The following HJURP variants were observed in gnomAD, a reference collection of about 807,000 sequenced individuals.
HJURP encodes 14-3-3-associated AKT substrate.
Under a neutral mutation model 72.0 loss-of-function variants are expected in HJURP, and 49 were observed. That is an observed-to-expected ratio of 0.68 (90% CI 0.54 to 0.86). The LOEUF is 0.86. Among genes scored for constraint, HJURP ranks in the 40% least tolerant of loss-of-function variants. The pLI is 0.00. For synonymous variants in HJURP, 357 were observed against 347.1 expected, an observed-to-expected ratio of 1.03 and a Z score of -0.32; for missense variants, 908 against 936.3, an observed-to-expected ratio of 0.97 and a Z score of 0.39.
rs371801190 is a variant in HJURP, at chr2:233,847,495, T to A, written c.338-34A>T. 5.7e-6 allele frequency: 9 copies of A among 1,584,816 alleles called. No individual in the cohort carries two copies. In the African/African-American group the frequency reaches 1.2e-4, roughly 21 times the overall value. ...CAAACAAGTAAATCTCAATCAGGATTTTCAGGAAGGAGTGCATTTTCCTCT... is the reference window on the plus strand; with the variant it reads ...CAAACAAGTAAATCTCAATCAGGATATTCAGGAAGGAGTGCATTTTCCTCT... On this transcript the variant is annotated intron_variant, in intron 4 of 8. Transcript: ENST00000411486.
At chr2:233,849,456 A>G (rs1404890906) in intron 4 of HJURP, among the ~76,000 whole-genome samples, 2 of 152,064 alleles carry the variant, frequency 1.3e-5, no homozygotes, top group African/African-American at 4.8e-5. Context: ...GGTTCACAAC[A>G]CCACCCTGTA....
Position 233,847,404 on chromosome 2 carries a change from G to T in HJURP, c.395C>A (p.Ala132Asp). 2 of 1,613,510 alleles carry T rather than the reference G, an allele frequency of 1.2e-6. No homozygotes were observed. Among genetic ancestry groups the T allele is most frequent in the African/African-American group, 1.3e-5 (1 of 75,022 alleles). The part of the protein sequence containing the change: ...TSDQEESVAW[A>D]LAPAVPQSPL... The stretch of plus-strand genomic sequence containing the variant: ...ACTAAAGGCAGCACTTACTGCTAAG[G>T]CCCAAGCAACTGACTCTTCCTGGTC... Residue 132 changes from alanine to aspartate, a missense_variant, in exon 5 of 9, where the codon GCC becomes GAC. By Grantham distance (126) the Ala-to-Asp change is moderately radical. Transcript: ENST00000411486.
In HJURP at chr2:233,841,286, A is replaced by C; in HGVS notation, c.1494T>G (p.Ser498Arg). The change falls in exon 8 of 9, where the codon AGT becomes AGG. Residue 498 changes from serine to arginine, a missense_variant. Physicochemically the swap from Ser to Arg is moderately radical, Grantham distance 110. Coordinates refer to ENST00000411486, the MANE Select transcript of HJURP (RefSeq NM_018410.5). Reference sequence around the variant, plus strand: ...TTTTGCCTAGGTTTTCAAAAGCCTCACTTAAACTTTTTGCTTTTGCTTTGC... The same window carrying C: ...TTTTGCCTAGGTTTTCAAAAGCCTCCCTTAAACTTTTTGCTTTTGCTTTGC... ...PSSKAKAKSL[S>R]EAFENLGKRS... is the part of the protein sequence containing the mutation. 1 of 1,614,098 alleles carries C rather than the reference A, an allele frequency of 6.2e-7. No individual in the cohort carries two copies. The highest frequency in any genetic ancestry group is 8.5e-7 in the Non-Finnish European group (1 of 1,179,962).
chr2:233,852,699 C>T, intron 2 of HJURP, 79 bp from the exon 3 acceptor site: 1 of 1,040,484 alleles, frequency 9.6e-7, no homozygotes, highest in South Asian at 1.3e-5. Flanking sequence ...CACCAGATGC[C>T]AAAGTGACAG....
At chr2:233,844,127 C>A in intron 7 of HJURP, 78 bp downstream of exon 7, 2 of 1,093,718 alleles carry the variant, frequency 1.8e-6, no homozygotes, top group South Asian at 1.3e-5. Context: ...CCAGTATGAG[C>A]AGCTCTGAGG....
chr2:233,843,640 C>T (rs908140047), intron 7 of HJURP, among the ~76,000 whole-genome samples: 2 of 152,106 alleles, frequency 1.3e-5, no homozygotes, highest in Non-Finnish European at 2.9e-5. Context: ...GGAGACTAAA[C>T]GCAACGGTGG....
chr2:233,854,112 C>T (rs1705558745), intron 1 of HJURP, among the ~76,000 whole-genome samples: 1 of 152,128 alleles, frequency 6.6e-6, no homozygotes, highest in Non-Finnish European at 1.5e-5. Context: ...CCTCTCTGCA[C>T]CCGAGCCCCA....
rs979879320 is a variant in HJURP, at chr2:233,849,785, C to T, written c.315G>A (p.Ser105=). 55 of 1,553,696 alleles carry T rather than the reference C, an allele frequency of 3.5e-5. No homozygotes were observed. Among genetic ancestry groups the T allele is most frequent in the African/African-American group, 1.8e-4 (13 of 73,258 alleles). The change falls in exon 4 of 9, where the codon TCG becomes TCA. Residue 105 remains serine (S), a synonymous_variant. Transcript: ENST00000411486. ...CACCGGCTCCCAGGACTGTGCGGTG[C>T]GAGGGAAGCTCAGGACCCCAGGCTG... is the stretch of plus-strand genomic sequence containing the variant. The part of the protein sequence containing the change: ...QAAAWGPELP[S]HRTVLGADSK...
At chr2:233,849,155 G>T (rs1024405792) in intron 4 of HJURP, among the ~76,000 whole-genome samples, 2 of 152,198 alleles carry the variant, frequency 1.3e-5, no homozygotes, top group Non-Finnish European at 1.5e-5. Flanking sequence ...GCACCAAACG[G>T]AGCAGGTTAT....
At chr2:233,837,705 C>T in intron 8 of HJURP, 53 bp from the exon 9 acceptor site, 3 of 1,131,376 alleles carry the variant, frequency 2.7e-6, no homozygotes, top group Non-Finnish European at 3.9e-6. Context: ...CTAGAATTCC[C>T]AATGCCAGCC....
chr2:233,841,791 G>A lies in HJURP; in HGVS notation c.989C>T (p.Pro330Leu). 1.9e-6 allele frequency: 3 copies of A among 1,614,122 alleles called. No homozygotes were observed. Among genetic ancestry groups the A allele is most frequent in the Non-Finnish European group, 2.5e-6 (3 of 1,179,990 alleles). Residue 330 changes from proline (P) to leucine (L), a missense_variant, in exon 8 of 9, where the codon CCT becomes CTT. Physicochemically the swap from Pro to Leu is moderately conservative, Grantham distance 98. Around this residue, in one of 3 missense-constraint regions of HJURP, gnomAD observed 598 missense variants for 619.5 expected, o/e 0.97. Transcript: ENST00000411486. ...SKENFIPCSE[P>L]VKGTGALRDC... is the part of the protein sequence containing the mutation. ...TCTTAATGCCCCTGTCCCTTTCACA[G>A]GCTCAGAGCAGGGTATGAAGTTCTC...
chr2:233,837,536 A>G lies in HJURP; in HGVS notation c.*41T>C. 7.5e-7 allele frequency: 1 copy of G among 1,339,394 alleles called. No homozygotes were observed. Among genetic ancestry groups the G allele is most frequent in the Non-Finnish European group, 1.1e-6 (1 of 935,058 alleles). 83.0% of individuals were successfully genotyped at this position (1,339,394 alleles called of 1,614,324 possible). ...AAAAACAAAACAAAAATACAAACAG[A>G]GAGCAAGTGGGAAGATAAATAACAC... On this transcript the variant is annotated 3_prime_UTR_variant, in exon 9 of 9. Coordinates refer to ENST00000411486, the MANE Select transcript of HJURP (RefSeq NM_018410.5).
At position 233,837,594 on chromosome 2, in the gene HJURP, C is replaced by T; in HGVS notation, c.2230G>A (p.Glu744Lys). 6.2e-7 allele frequency: 1 copy of T among 1,609,146 alleles called. No individual in the cohort carries two copies. The highest frequency in any genetic ancestry group is 8.5e-7 in the Non-Finnish European group (1 of 1,175,958). The change falls in exon 9 of 9, where the codon GAA becomes AAA. Residue 744 changes from glutamate (E) to lysine (K), a missense_variant. Physicochemically the swap from Glu to Lys is moderately conservative, Grantham distance 56. Coordinates refer to ENST00000411486, the MANE Select transcript of HJURP (RefSeq NM_018410.5). The part of the protein sequence containing the change: ...EKSDFMLEKL[E>K]TKSV ...TAACCTAGCTACACACTTTTAGTTTCCAATTTTTCTAGCATGAAATCACTT... is the reference window on the plus strand; with the variant it reads ...TAACCTAGCTACACACTTTTAGTTTTCAATTTTTCTAGCATGAAATCACTT...
In HJURP at chr2:233,841,550, T is replaced by G; in HGVS notation, c.1230A>C (p.Leu410Phe). The G allele has an allele frequency of 1.2e-6, 2 of 1,614,006 alleles. No individual in the cohort carries two copies. Among genetic ancestry groups the G allele is most frequent in the East Asian group, 2.2e-5 (1 of 44,890 alleles). Reference protein sequence around the residue: ...EENRFRTLKWLISPVKIVSRP... With the variant: ...EENRFRTLKWFISPVKIVSRP... ...TGGAAACTATTTTTACAGGAGAAAT[T>G]AACCATTTTAATGTCCTAAATCTAT... The change falls in exon 8 of 9, where the codon TTA becomes TTC. Residue 410 changes from leucine to phenylalanine, a missense_variant. Physicochemically the swap from Leu to Phe is conservative, Grantham distance 22. This residue lies in a region of HJURP where 598 missense variants were observed against 619.5 expected (regional missense o/e 0.97). Transcript: ENST00000411486.
At position 233,841,033 on chromosome 2, in the gene HJURP, C is replaced by T. The variant is rs536615666; in HGVS notation, c.1747G>A (p.Glu583Lys). Residue 583 changes from glutamate (E) to lysine (K), a missense_variant, in exon 8 of 9, where the codon GAA becomes AAA. Physicochemically the swap from Glu to Lys is moderately conservative, Grantham distance 56 (BLOSUM62 1). Transcript: ENST00000411486. ...GRNRYDEIKE[E>K]FDKLHQKYCL... Reference sequence around the variant, plus strand: ...TACTTTTGATGAAGCTTGTCAAATTCTTCTTTAATTTCATCGTAACGATTC... The same window carrying T: ...TACTTTTGATGAAGCTTGTCAAATTTTTCTTTAATTTCATCGTAACGATTC... 1.2e-6 allele frequency: 2 copies of T among 1,614,174 alleles called. No homozygotes were observed. Among genetic ancestry groups the T allele is most frequent in the East Asian group, 2.2e-5 (1 of 44,890 alleles).
Position 233,841,363 on chromosome 2 carries a change from T to G in HJURP, c.1417A>C (p.Ser473Arg). 6.2e-7 allele frequency: 1 copy of G among 1,614,126 alleles called. No individual in the cohort carries two copies. Among genetic ancestry groups the G allele is most frequent in the South Asian group, 1.1e-5 (1 of 91,078 alleles). The change falls in exon 8 of 9, where the codon AGT becomes CGT. Residue 473 changes from serine to arginine, a missense_variant. Physicochemically the swap from Ser to Arg is moderately radical, Grantham distance 110. Coordinates refer to ENST00000411486, the MANE Select transcript of HJURP (RefSeq NM_018410.5). ...AMNMYRGGPASPGGLQGLETR... is the reference protein window; with the variant it reads ...AMNMYRGGPARPGGLQGLETR... Reference sequence around the variant, plus strand: ...TCTAAGCCCTGAAGGCCACCAGGACTCGCAGGACCCCCTCTGTACATGTTC... The same window carrying G: ...TCTAAGCCCTGAAGGCCACCAGGACGCGCAGGACCCCCTCTGTACATGTTC...
chr2:233,847,262 G>T, intron 5 of HJURP, 135 bp downstream of exon 5: 1 of 686,806 alleles, frequency 1.5e-6, no homozygotes, highest in Non-Finnish European at 2.6e-6. Flanking sequence ...CTTGGAAGTA[G>T]CAAAAGCCAG....
intron 6 of HJURP, among the ~76,000 whole-genome samples, chr2:233,845,220 C>T (rs1265707042): frequency 1.3e-5 from 2 of 151,986 alleles, no homozygotes; most frequent in Non-Finnish European, 2.9e-5. Context: ...GGCACAATCT[C>T]AGCTCACTGC....
In HJURP at chr2:233,841,073, C is replaced by T. The variant is rs780045748; in HGVS notation, c.1707G>A (p.Val569=). 12 of 1,614,184 alleles carry T rather than the reference C, an allele frequency of 7.4e-6. No individual in the cohort carries two copies. The South Asian group carries it at 1.3e-4, about 18-fold the overall frequency. ...CGTAACGATTCCTTCCGTGGCCTGG[C>T]ACTTCTTTATCTGGGACTGAAAGAG... is the stretch of plus-strand genomic sequence containing the variant. ...SKTLSVPDKE[V]PGHGRNRYDE... Residue 569 remains valine (V), a synonymous_variant, in exon 8 of 9, where the codon GTG becomes GTA. Transcript: ENST00000411486.
Sources: allele counts gnomAD v4.1 joint callset (sites outside exome capture counted in the v4.1 genomes callset), GRCh38; gene constraint gnomAD v4.1.1; regional missense constraint gnomAD v4.1.1; transcripts MANE v1.5; gene names NCBI Gene and HGNC (gene_info 2026-07-23, HGNC 2026-07-21).